TTC39B: variants seen among roughly 807,000 people sequenced by gnomAD.
TTC39B encodes the protein tetratricopeptide repeat domain 39B, also known as tetratricopeptide repeat protein 39B.
TTC39B carries 92 observed loss-of-function variants against 96.6 expected under a neutral mutation model. That is an observed-to-expected ratio of 0.95 (90% CI 0.80 to 1.13). TTC39B has a LOEUF of 1.13. Ranked by LOEUF, TTC39B falls within the 50% of genes most tolerant of loss-of-function variation. The pLI is 0.00. For synonymous variants in TTC39B, 367 were observed against 299.4 expected, an observed-to-expected ratio of 1.23 and a Z score of -2.33; for missense variants, 955 against 809.3, an observed-to-expected ratio of 1.18 and a Z score of -2.18.
chr9:15,175,339 A>G (rs769107099), intron 18 of TTC39B, among the ~76,000 whole-genome samples: 2 of 152,162 alleles, frequency 1.3e-5, no homozygotes, highest in Non-Finnish European at 2.9e-5. Context: ...TTATTCCTTA[A>G]TGTAAACCCA....
chr9:15,238,982 C>G (rs1010379840), intron 2 of TTC39B, among the ~76,000 whole-genome samples: 1 of 152,048 alleles, frequency 6.6e-6, no homozygotes, highest in East Asian at 1.9e-4. Context: ...GAGACCCTGT[C>G]TCAAAAATAA....
At chr9:15,293,718 A>G (rs537343931) in intron 1 of TTC39B, among the ~76,000 whole-genome samples, 6 of 152,342 alleles carry the variant, frequency 3.9e-5, no homozygotes, top group African/African-American at 1.4e-4. Flanking sequence ...TTTAGCCTAA[A>G]GCTGCCTCCT....
intron 6 of TTC39B, among the ~76,000 whole-genome samples, chr9:15,204,363 T>C (rs1819722935): frequency 6.6e-6 from 1 of 151,962 alleles, no homozygotes; most frequent in South Asian, 2.1e-4. Flanking sequence ...ACCCCATCTC[T>C]ACTAAAAATA....
exon 20 of TTC39B, chr9:15,170,601 T>G (rs1817617255): frequency 6.6e-6 from 1 of 152,154 alleles, no homozygotes; most frequent in South Asian, 2.1e-4. Context: ...AAAGCTGAGC[T>G]ACGTACTCCG....
chr9:15,219,616 C>T (rs955738962), intron 3 of TTC39B, among the ~76,000 whole-genome samples: 1 of 152,146 alleles, frequency 6.6e-6, no homozygotes, highest in African/African-American at 2.4e-5. Context: ...TCCTTATCTC[C>T]GACACCTCGG....
In TTC39B at chr9:15,210,081, C is replaced by T; in HGVS notation, c.691+7G>A. ...AGGAAAAAAGTGATCTTTTAAATGA[C>T]TTTTACCTTCACTCAGTTGCTCCAG... On this transcript the variant is annotated splice_region_variant and intron_variant, in intron 6 of 19. Transcript: ENST00000512701. 6.3e-7 allele frequency: 1 copy of T among 1,587,550 alleles called. No homozygotes were observed. The highest frequency in any genetic ancestry group is 8.6e-7 in the Non-Finnish European group (1 of 1,166,782).
exon 20 of TTC39B, chr9:15,163,969 G>A (rs1417754457): frequency 6.6e-6 from 1 of 152,154 alleles, no homozygotes; most frequent in Non-Finnish European, 1.5e-5. Context: ...AAATCAGCAA[G>A]AGAACACTCA....
Position 15,306,611 on chromosome 9 carries a change from G to T in TTC39B, c.240+473C>A, listed in dbSNP as rs1339086931. Among the ~76,000 whole-genome samples, 2 of 152,108 alleles carry T rather than the reference G, an allele frequency of 1.3e-5. No homozygotes were observed. Among genetic ancestry groups the T allele is most frequent in the Non-Finnish European group, 2.9e-5 (2 of 68,022 alleles). ...AGGCTGCCCCCTCTTTTCATCAATCGTAAGCCTTTCGGTTCTGCCACCAGG... is the reference window on the plus strand; with the variant it reads ...AGGCTGCCCCCTCTTTTCATCAATCTTAAGCCTTTCGGTTCTGCCACCAGG... On this transcript the variant is annotated intron_variant, in intron 1 of 19. Coordinates refer to ENST00000512701, the Ensembl canonical transcript of TTC39B. This position sits in a 1 kb window ranked among gnomAD's most constrained non-coding sequence, Gnocchi z 5.1.
chr9:15,299,636 A>T (rs1404893471), intron 1 of TTC39B, among the ~76,000 whole-genome samples: 1 of 152,164 alleles, frequency 6.6e-6, no homozygotes, highest in Non-Finnish European at 1.5e-5. Flanking sequence ...GTCCCCAGGT[A>T]CTCATCTTTG....
intron 1 of TTC39B, among the ~76,000 whole-genome samples, chr9:15,270,813 G>A (rs909746441): frequency 2.1e-5 from 3 of 144,206 alleles, no homozygotes; most frequent in Non-Finnish European, 2.9e-5. Context: ...CAGTAATCAC[G>A]GGGCAGAGAG....
chr9:15,304,078 T>C (rs1408203618), intron 1 of TTC39B, among the ~76,000 whole-genome samples: 2 of 152,214 alleles, frequency 1.3e-5, no homozygotes, highest in East Asian at 3.8e-4. Context: ...ATGATTTTCA[T>C]TCAATTCTCA....
rs537581480 is a variant in TTC39B, at chr9:15,297,778, G to GC, written c.240+9305dup. ...CAGGGAGCCACCTAAAATACTGCTT[G>GC]CTCCCCACCACTCCTCACTGAAACC... On this transcript the variant is annotated intron_variant, in intron 1 of 19. Coordinates refer to ENST00000512701, the Ensembl canonical transcript of TTC39B. 3.1e-3 allele frequency among the ~76,000 whole-genome samples: 465 copies of GC among 152,172 alleles called. 1 individual carries two copies. The highest frequency in any genetic ancestry group is 5.1e-3 in the Non-Finnish European group (348 of 68,006).
At chr9:15,182,000 C>T (rs1458398044) in intron 17 of TTC39B, among the ~76,000 whole-genome samples, 2 of 152,220 alleles carry the variant, frequency 1.3e-5, no homozygotes, top group Non-Finnish European at 1.5e-5. Flanking sequence ...TAGGCAACCA[C>T]TCATCTGCTG....
Position 15,187,958 on chromosome 9 carries a change from T to C in TTC39B, c.1395+13A>G. 1.3e-6 allele frequency: 2 copies of C among 1,558,320 alleles called. No individual in the cohort carries two copies. Among genetic ancestry groups the C allele is most frequent in the Non-Finnish European group, 8.7e-7 (1 of 1,154,276 alleles). ...AGCAAACAGATGACATTAATGAAAG[T>C]ATTGCACTTTACCTTGGACCATTTA... On this transcript the variant is annotated intron_variant, in intron 14 of 19. Transcript: ENST00000512701.
intron 2 of TTC39B, among the ~76,000 whole-genome samples, chr9:15,263,962 C>T (rs920849791): frequency 2.0e-5 from 3 of 152,116 alleles, no homozygotes; most frequent in African/African-American, 7.2e-5. Context: ...ATGGGGAAAC[C>T]TTTGGATTTG....
At chr9:15,171,772 C>A in exon 20 of TTC39B, 1 of 253,992 alleles carries the variant, frequency 3.9e-6, no homozygotes, top group Non-Finnish European at 7.4e-6. Context: ...CCCCCTAATT[C>A]AAATAATATG....
intron 16 of TTC39B, chr9:15,183,462 T>TAAA: frequency 1.7e-5 from 3 of 174,546 alleles, no homozygotes; most frequent in South Asian, 3.7e-5. Flanking sequence ...AATTCCTAGG[T>TAAA]ACAAAAAAAA....
At position 15,192,700 on chromosome 9, in the gene TTC39B, G is replaced by A; in HGVS notation, c.825-5C>T. 6.2e-7 allele frequency: 1 copy of A among 1,605,922 alleles called. No individual in the cohort carries two copies. The highest frequency in any genetic ancestry group is 2.2e-5 in the East Asian group (1 of 44,812). ...TGCAGGATAGAAAGACATTCTCTGG[G>A]TTGAAGAAAAAAAGTGACAGCATAA... On this transcript the variant is annotated splice_polypyrimidine_tract_variant and splice_region_variant and intron_variant, in intron 8 of 19. Transcript: ENST00000512701.
At chr9:15,169,926 C>G (rs1817596927) in exon 20 of TTC39B, 1 of 152,136 alleles carries the variant, frequency 6.6e-6, no homozygotes, top group African/African-American at 2.4e-5. Flanking sequence ...CTTGCAGCTT[C>G]TCACAGTAAC....
Sources: gnomAD v4.1 joint callset for allele counts (sites outside exome capture counted in the v4.1 genomes callset) on GRCh38, gnomAD v4.1.1 for gene constraint, Gnocchi (gnomAD v3.1) non-coding constraint, MANE v1.5 for transcripts, NCBI Gene and HGNC (gene_info 2026-07-23, HGNC 2026-07-21) for gene names.